The following SUMF1 variants were observed in gnomAD, a reference collection of about 807,000 sequenced individuals.
The protein encoded by SUMF1 is formylglycine-generating enzyme.
In SUMF1, 48 loss-of-function variants were observed where a neutral mutation model predicts 47.6. The ratio of observed to expected loss-of-function variants is 1.01; its 90% confidence interval spans 0.80 to 1.28. The LOEUF is 1.28. Among genes scored for constraint, SUMF1 ranks in the 50% most tolerant of loss-of-function variants. SUMF1 has a pLI of 0.00. For synonymous variants in SUMF1, 230 were observed against 192.1 expected, an observed-to-expected ratio of 1.20 and a Z score of -1.63; for missense variants, 571 against 485.4, an observed-to-expected ratio of 1.18 and a Z score of -1.66.
Position 4,044,322 on chromosome 3 carries a change from T to G in SUMF1, c.1191+24247A>C, listed in dbSNP as rs547046339. On this transcript the variant is annotated intron_variant and NMD_transcript_variant, in intron 9 of 12. Transcript: ENST00000448413. ...TGGGCCCAAGAAGCCAGCATCTCTCTCCTCACTGGCCTCTTGTTCTCTAAA... is the reference window on the plus strand; with the variant it reads ...TGGGCCCAAGAAGCCAGCATCTCTCGCCTCACTGGCCTCTTGTTCTCTAAA... 6.6e-5 allele frequency among the ~76,000 whole-genome samples: 10 copies of G among 152,292 alleles called. No homozygotes were observed. The East Asian group carries it at 1.9e-3, about 29-fold the overall frequency.
chr3:4,344,789 G>C (rs994330576), intron 8 of SUMF1, among the ~76,000 whole-genome samples: 3 of 152,120 alleles, frequency 2.0e-5, no homozygotes, highest in Non-Finnish European at 4.4e-5. Flanking sequence ...ACCTTGATAA[G>C]AGGTTAGAGG....
At chr3:4,205,501 A>G (rs7630606) in intron 8 of SUMF1, among the ~76,000 whole-genome samples, 65,858 of 152,054 alleles carry the variant, frequency 0.43, 15,366 homozygotes, top group Middle Eastern at 0.54. Context: ...TCTGTGCATT[A>G]AAGAGCTAGG....
intron 8 of SUMF1, among the ~76,000 whole-genome samples, chr3:4,109,213 T>G (rs200671707): frequency 0.065 from 9,822 of 151,950 alleles, 790 homozygotes; most frequent in African/African-American, 0.16. Flanking sequence ...TGAAATTCTG[T>G]GTTGAAAATT....
chr3:4,250,111 A>C (rs147252869), intron 8 of SUMF1, among the ~76,000 whole-genome samples: 1 of 150,412 alleles, frequency 6.6e-6, no homozygotes, highest in East Asian at 2.1e-4. Flanking sequence ...TGAACACAGG[A>C]GGCAGAGGTT....
At chr3:4,371,548 C>T (rs1252706878) in intron 8 of SUMF1, among the ~76,000 whole-genome samples, 3 of 152,196 alleles carry the variant, frequency 2.0e-5, no homozygotes, top group Non-Finnish European at 2.9e-5. Context: ...CTCAATTTCC[C>T]GTCCGTTGCT....
chr3:4,458,284 T>G (rs2079718584), intron 1 of SUMF1, among the ~76,000 whole-genome samples: 1 of 152,156 alleles, frequency 6.6e-6, no homozygotes, highest in Admixed American at 6.5e-5. Context: ...TTGGTGAGAA[T>G]GTAAATTAAT....
At chr3:4,366,790 C>T (rs1214969757) in intron 8 of SUMF1, among the ~76,000 whole-genome samples, 1 of 94,888 alleles carries the variant, frequency 1.1e-5, no homozygotes, top group African/African-American at 4.5e-5. Flanking sequence ...AGGAGAGGCG[C>T]TCTGCTTTTT....
intron 8 of SUMF1, among the ~76,000 whole-genome samples, chr3:4,142,610 A>C (rs1401122250): frequency 1.7e-4 from 26 of 152,148 alleles, no homozygotes; most frequent in Admixed American, 1.7e-3. Flanking sequence ...AAGGACTACA[A>C]AATACAGATA....
At chr3:4,334,853 A>C (rs931143952) in intron 8 of SUMF1, among the ~76,000 whole-genome samples, 6 of 152,184 alleles carry the variant, frequency 3.9e-5, no homozygotes, top group African/African-American at 1.4e-4. Context: ...ACTTTTTTGC[A>C]CCTATTTTAG....
chr3:4,382,329 CAT>C (rs1188524893), intron 7 of SUMF1, among the ~76,000 whole-genome samples: 7 of 120,754 alleles, frequency 5.8e-5, no homozygotes, highest in African/African-American at 2.7e-4. Context: ...TACACACACA[CAT>C]ACATGCACAC....
At chr3:4,242,821 T>C (rs1490922944) in intron 8 of SUMF1, among the ~76,000 whole-genome samples, 3 of 152,208 alleles carry the variant, frequency 2.0e-5, no homozygotes, top group Non-Finnish European at 2.9e-5. Flanking sequence ...TCCTTTTCTA[T>C]TGATTGGAAT....
intron 8 of SUMF1, among the ~76,000 whole-genome samples, chr3:4,139,533 G>GTATATGCA (rs1420628739): frequency 1.3e-5 from 2 of 150,512 alleles, no homozygotes; most frequent in Admixed American, 1.3e-4. Flanking sequence ...ATGCATGTGT[G>GTATATGCA]TGTGTATATA....
chr3:4,467,095 C>T lies in SUMF1; in HGVS notation c.151G>A (p.Gly51Ser), dbSNP rs1028603531. 6.4e-6 allele frequency: 10 copies of T among 1,560,536 alleles called. No individual in the cohort carries two copies. The highest frequency in any genetic ancestry group is 5.7e-5 in the Admixed American group (3 of 52,534). ...CCAGGCCGCTGGGGCGTGCCGCAGC[C>T]GCAAGAACCCGCAAGGGACCCCGCG... ...AGAGSLAGSC[G>S]CGTPQRPGAH... Residue 51 changes from glycine to serine, a missense_variant, in exon 1 of 9, where the codon GGC (glycine) becomes AGC (serine). By Grantham distance (56) the Gly-to-Ser change is moderately conservative (BLOSUM62 0). Transcript: ENST00000272902.
chr3:4,226,264 C>CTTT (rs869300368), intron 8 of SUMF1, among the ~76,000 whole-genome samples: 116 of 86,964 alleles, frequency 1.3e-3, no homozygotes, highest in Non-Finnish European at 1.5e-3. Context: ...TTTTTTGTTT[C>CTTT]TTTTTTTTTT....
chr3:4,155,580 G>A (rs918399049), intron 8 of SUMF1, among the ~76,000 whole-genome samples: 3 of 151,426 alleles, frequency 2.0e-5, no homozygotes, highest in Admixed American at 2.0e-4. Context: ...AGATTTAGTG[G>A]TGGCAGCAGC....
intron 8 of SUMF1, among the ~76,000 whole-genome samples, chr3:4,203,501 T>C (rs1361277371): frequency 1.3e-5 from 2 of 152,020 alleles, no homozygotes; most frequent in Non-Finnish European, 2.9e-5. Flanking sequence ...GTTTTTCTTG[T>C]AGGCAACAGA....
intron 8 of SUMF1, among the ~76,000 whole-genome samples, chr3:4,155,317 G>T (rs1050144913): frequency 6.6e-5 from 10 of 151,528 alleles, no homozygotes; most frequent in African/African-American, 2.2e-4. Context: ...CTCTTTCCAT[G>T]TTTGAGGAAT....
intron 9 of SUMF1, among the ~76,000 whole-genome samples, chr3:4,045,596 C>T (rs546336147): frequency 3.3e-5 from 5 of 152,022 alleles, no homozygotes; most frequent in Admixed American, 6.6e-5. Flanking sequence ...TAACTCAAAT[C>T]GAGCTAACAA....
At chr3:4,439,067 T>C (rs1433009720) in intron 3 of SUMF1, among the ~76,000 whole-genome samples, 2 of 152,184 alleles carry the variant, frequency 1.3e-5, no homozygotes, top group Non-Finnish European at 2.9e-5. Context: ...TAATGGACAT[T>C]AGAAAACATT....
Sources: gnomAD v4.1 joint callset for allele counts (sites outside exome capture counted in the v4.1 genomes callset) on GRCh38, gnomAD v4.1.1 for gene constraint, MANE v1.5 for transcripts, NCBI Gene and HGNC (gene_info 2026-07-23, HGNC 2026-07-21) for gene names.